The following PRKG1 variants were observed in gnomAD, a reference collection of about 807,000 sequenced individuals.
The protein encoded by PRKG1 is cGMP-dependent protein kinase 1.
A neutral mutation model predicts 88.1 loss-of-function variants in PRKG1; 35 were observed. The ratio of observed to expected loss-of-function variants is 0.40; its 90% CI spans 0.30 to 0.53. PRKG1 has a LOEUF of 0.53. PRKG1 is among the 20% of genes least tolerant of loss of function. The pLI, the probability that PRKG1 is intolerant of heterozygous loss-of-function variation, is 0.59. For synonymous variants in PRKG1, 303 were observed against 292.5 expected (o/e 1.04, Z -0.37); for missense variants, 540 against 839.8 (o/e 0.64, Z 4.41).
Position 52,161,994 on chromosome 10 carries a change from C to A in PRKG1, c.1076+31C>A, listed in dbSNP as rs10824173. The A allele has an allele frequency of 0.79, 1,233,748 of 1,562,790 alleles. 488,590 individuals carry two copies. The highest frequency in any genetic ancestry group is 0.81 in the South Asian group (72,065 of 89,230). ...TGACTTTTTTCCTTAATTTTGATTG[C>A]AAAATGATTTTGAATAGAAATAAGA... On this transcript the variant is annotated intron_variant, in intron 9 of 17. Coordinates refer to ENST00000373980, the MANE Select transcript of PRKG1 (RefSeq NM_006258.4).
At chr10:52,173,854 G>A (rs953288477) in intron 9 of PRKG1, among the ~76,000 whole-genome samples, 14 of 152,112 alleles carry the variant, frequency 9.2e-5, no homozygotes, top group Non-Finnish European at 2.1e-4. Flanking sequence ...AGAGGATAAG[G>A]CAGCTTCTTA....
At chr10:51,628,494 G>A (rs1326878792) in intron 3 of PRKG1, among the ~76,000 whole-genome samples, 1 of 151,998 alleles carries the variant, frequency 6.6e-6, no homozygotes, top group African/African-American at 2.4e-5. Context: ...ATTAGTACAC[G>A]TGTTTTCCCT....
At chr10:51,842,540 G>C (rs1385516028) in intron 4 of PRKG1, among the ~76,000 whole-genome samples, 1 of 152,132 alleles carries the variant, frequency 6.6e-6, no homozygotes, top group Non-Finnish European at 1.5e-5. Context: ...AACATGTTTA[G>C]TGACAATGTG....
intron 5 of PRKG1, among the ~76,000 whole-genome samples, chr10:51,947,449 G>A (rs868615502): frequency 2.3e-4 from 35 of 152,084 alleles, no homozygotes; most frequent in Admixed American, 6.6e-4. Flanking sequence ...GCTTCGGCTC[G>A]CGCATGGTGC....
At position 51,580,709 on chromosome 10, in the gene PRKG1, T is replaced by C. The variant is rs1480360187; in HGVS notation, c.592+112873T>C. On this transcript the variant is annotated intron_variant, in intron 3 of 17. Coordinates refer to ENST00000373980, the MANE Select transcript of PRKG1 (RefSeq NM_006258.4). ...TATTTTTTATTAAATGTAGAAAAAT[T>C]ATATTCTTTTTTTTTGTATATTATG... Among the ~76,000 whole-genome samples the C allele has an allele frequency of 2.3e-5, 3 of 133,252 alleles. No homozygotes were observed. The South Asian group carries it at 7.0e-4, about 31-fold the overall frequency. The allele number at this position is 133,252 out of a possible 152,430, so 87.4% of individuals were successfully genotyped here.
chr10:51,657,649 C>A (rs1840195124), intron 3 of PRKG1, among the ~76,000 whole-genome samples: 1 of 152,038 alleles, frequency 6.6e-6, no homozygotes, highest in Non-Finnish European at 1.5e-5. Context: ...GAATTATGGC[C>A]CATTCTTCAA....
Position 52,284,633 on chromosome 10 carries a change from CCA to C in PRKG1, c.1709+2318_1709+2319del, listed in dbSNP as rs1842072905. On this transcript the variant is annotated intron_variant, in intron 14 of 17. Coordinates refer to ENST00000373980, the MANE Select transcript of PRKG1 (RefSeq NM_006258.4). ...TGATGCTTGGACCACAAGCATGACT[CCA>C]AAGTATTTTGGTCCTGAATGTCATA... 5.9e-5 allele frequency among the ~76,000 whole-genome samples: 9 copies of C among 152,114 alleles called. No homozygotes were observed. The South Asian group carries it at 1.9e-3, about 32-fold the overall frequency.
At chr10:51,053,225 T>A (rs1036047941) in intron 1 of PRKG1, among the ~76,000 whole-genome samples, 1 of 138,296 alleles carries the variant, frequency 7.2e-6, no homozygotes, top group African/African-American at 2.6e-5. Flanking sequence ...GCAAGACTCT[T>A]GTCTCAAATA....
At chr10:51,583,283 T>A (rs1470233374) in intron 3 of PRKG1, among the ~76,000 whole-genome samples, 1 of 152,106 alleles carries the variant, frequency 6.6e-6, no homozygotes, top group African/African-American at 2.4e-5. Context: ...ATTATATGAA[T>A]TTAGGCAATT....
At chr10:51,986,831 TG>T (rs1180097431) in intron 5 of PRKG1, among the ~76,000 whole-genome samples, 3 of 152,182 alleles carry the variant, frequency 2.0e-5, no homozygotes, top group African/African-American at 7.2e-5. Context: ...GCTGGCATTG[TG>T]GACATTCTTC....
In PRKG1 at chr10:52,007,708, A is replaced by T. The variant is rs191147138; in HGVS notation, c.763-46776A>T. Among the ~76,000 whole-genome samples the T allele has an allele frequency of 4.0e-3, 607 of 152,260 alleles. 4 individuals carry two copies. Among genetic ancestry groups the T allele is most frequent in the African/African-American group, 0.014 (588 of 41,558 alleles). On this transcript the variant is annotated intron_variant, in intron 5 of 17. Transcript: ENST00000373980. ...TTCAACACTCCACTGACAGTATTAA[A>T]CATATCATGGAGGCAGAAAATTAAC...
At chr10:51,694,816 A>G (rs886079589) in intron 3 of PRKG1, among the ~76,000 whole-genome samples, 1 of 152,154 alleles carries the variant, frequency 6.6e-6, no homozygotes, top group African/African-American at 2.4e-5. Context: ...TGCTTGCTTT[A>G]TTCTTTACTA....
chr10:51,132,929 T>C (rs970248134), intron 1 of PRKG1, among the ~76,000 whole-genome samples: 3 of 152,088 alleles, frequency 2.0e-5, no homozygotes, highest in Non-Finnish European at 4.4e-5. Context: ...TATATAATTA[T>C]GATTTGTTAA....
intron 2 of PRKG1, among the ~76,000 whole-genome samples, chr10:51,445,282 A>G (rs1442665908): frequency 1.3e-5 from 2 of 151,986 alleles, no homozygotes; most frequent in Non-Finnish European, 2.9e-5. Context: ...AATAATTCAT[A>G]AAACAGAGTA....
At chr10:51,734,055 A>C (rs1837196515) in intron 3 of PRKG1, among the ~76,000 whole-genome samples, 1 of 152,184 alleles carries the variant, frequency 6.6e-6, no homozygotes, top group South Asian at 2.1e-4. Context: ...TTTTAAAAAA[A>C]GTATTTTAGC....
chr10:51,567,058 T>C (rs1837625735), intron 3 of PRKG1, among the ~76,000 whole-genome samples: 1 of 152,098 alleles, frequency 6.6e-6, no homozygotes, highest in African/African-American at 2.4e-5. Context: ...TTGTTCATCT[T>C]AAATAATTTT....
chr10:51,353,774 C>T (rs1160552942), intron 2 of PRKG1, among the ~76,000 whole-genome samples: 1 of 151,974 alleles, frequency 6.6e-6, no homozygotes. Context: ...GATACCATAT[C>T]ATCTGGCAAT....
chr10:51,027,386 G>A (rs1452457287), intron 1 of PRKG1, among the ~76,000 whole-genome samples: 3 of 152,070 alleles, frequency 2.0e-5, no homozygotes, highest in Non-Finnish European at 4.4e-5. Flanking sequence ...TCAATGGATG[G>A]GCCATTTATC....
chr10:51,838,763 GAA>G lies in PRKG1; in HGVS notation c.698+34082_698+34083del, dbSNP rs112164475. On this transcript the variant is annotated intron_variant, in intron 4 of 17. Coordinates refer to ENST00000373980, the MANE Select transcript of PRKG1 (RefSeq NM_006258.4). The stretch of plus-strand genomic sequence containing the variant: ...GTCTAGGAATTTTCTAGGCTAATGA[GAA>G]AAAAAAAATCACGCTACCCCTAGGG... Among the ~76,000 whole-genome samples the G allele has an allele frequency of 2.9e-4, 44 of 149,188 alleles. 3 individuals carry two copies. The highest frequency in any genetic ancestry group is 6.8e-3 in the Middle Eastern group (2 of 292).
Sources: allele counts gnomAD v4.1 joint callset (sites outside exome capture counted in the v4.1 genomes callset), GRCh38; gene constraint gnomAD v4.1.1; transcripts MANE v1.5; gene names NCBI Gene and HGNC (gene_info 2026-07-23, HGNC 2026-07-21).